Variants in ZNF606 observed in about 807,000 individuals in gnomAD.
ZNF606 encodes the protein zinc finger protein 606, also known as zinc finger protein 328.
Under a neutral mutation model 74.9 loss-of-function variants are expected in ZNF606, and 37 were observed. The ratio of observed to expected loss-of-function variants is 0.49; its 90% CI spans 0.38 to 0.65. ZNF606 has a LOEUF of 0.65. Ranked by LOEUF, ZNF606 falls within the 30% of genes least tolerant of loss-of-function variation. ZNF606 has a pLI of 0.00. For missense variants in ZNF606, 852 were observed against 952.9 expected (o/e 0.89, Z 1.39); for synonymous variants, 328 against 312.4 (o/e 1.05, Z -0.53).
At chr19:57,982,582 GCTT>G (rs1271232911) in intron 6 of ZNF606, among the ~76,000 whole-genome samples, 2 of 152,028 alleles carry the variant, frequency 1.3e-5, no homozygotes, top group South Asian at 2.1e-4. Context: ...CTCTCTCTCT[GCTT>G]CTTTTTTTCT....
At position 57,978,403 on chromosome 19, in the gene ZNF606, A is replaced by T; in HGVS notation, c.2277T>A (p.Ser759Arg). The T allele has an allele frequency of 6.2e-7, 1 of 1,613,890 alleles. No homozygotes were observed. Among genetic ancestry groups the T allele is most frequent in the Non-Finnish European group, 8.5e-7 (1 of 1,179,800 alleles). ...SSLIIHQRMH[S>R]GEKRFICSEC... ...CACTGCATATAAAGCGTTTCTCTCCACTATGCATTCTCTGATGAATAATAA... is the reference window on the plus strand; with the variant it reads ...CACTGCATATAAAGCGTTTCTCTCCTCTATGCATTCTCTGATGAATAATAA... Residue 759 changes from serine (S) to arginine (R), a missense_variant, in exon 7 of 7, where the codon AGT (serine) becomes AGA (arginine). Ser to Arg is a moderately radical substitution (Grantham distance 110). Around this residue, in one of 3 missense-constraint regions of ZNF606, gnomAD observed 64 missense variants for 51.1 expected, o/e 1.25. Transcript: ENST00000551380. This position sits in a 1 kb window ranked among gnomAD's most constrained non-coding sequence, Gnocchi z 4.4.
intron 4 of ZNF606, among the ~76,000 whole-genome samples, chr19:57,992,669 G>C (rs968935710): frequency 3.7e-4 from 57 of 152,352 alleles, no homozygotes; most frequent in African/African-American, 1.3e-3. Context: ...TGCTGAGTAT[G>C]ATAAAGGTAT....
rs1322630399 is a variant in ZNF606, at chr19:57,979,086, T to G, written c.1594A>C (p.Arg532=). ...SWSSHLIAHM[R]MHTGEKPFKC... ...AAGGGTTTCTCTCCAGTATGCATTC[T>G]CATATGGGCAATAAGATGGGAGCTC... The change falls in exon 7 of 7, where the codon AGA becomes CGA. Residue 532 remains arginine, a synonymous_variant. Coordinates refer to ENST00000551380, the MANE Select transcript of ZNF606 (RefSeq NM_001348022.3). The G allele has an allele frequency of 1.9e-6, 3 of 1,614,206 alleles. No individual in the cohort carries two copies. Among genetic ancestry groups the G allele is most frequent in the South Asian group, 2.2e-5 (2 of 91,086 alleles).
At chr19:57,995,839 A>G (rs756944088) in intron 4 of ZNF606, among the ~76,000 whole-genome samples, 11 of 152,130 alleles carry the variant, frequency 7.2e-5, no homozygotes, top group Admixed American at 6.6e-4. Flanking sequence ...AAGACTGTCT[A>G]TGTCTATATA....
rs771409701 is a variant in ZNF606 at position 57,980,246 on chromosome 19, A to G, written c.434T>C (p.Ile145Thr). 8.7e-6 allele frequency: 14 copies of G among 1,611,600 alleles called. No homozygotes were observed. The highest frequency in any genetic ancestry group is 1.2e-5 in the Non-Finnish European group (14 of 1,179,064). The part of the protein sequence containing the change: ...WVRNLESKAL[I>T]PAQSIFEEEQ... Reference sequence around the variant, plus strand: ...TTCCTCAAAAATGCTCTGTGCTGGGATCAATGCTTTGCTTTCAAGATTTCT... The same window carrying G: ...TTCCTCAAAAATGCTCTGTGCTGGGGTCAATGCTTTGCTTTCAAGATTTCT... Residue 145 changes from isoleucine to threonine, a missense_variant, in exon 7 of 7, where the codon ATC becomes ACC. This residue lies in a region of ZNF606 where 545 missense variants were observed against 542.5 expected (regional missense o/e 1.00). Coordinates refer to ENST00000551380, the MANE Select transcript of ZNF606 (RefSeq NM_001348022.3).
At position 57,978,676 on chromosome 19, in the gene ZNF606, A is replaced by G; in HGVS notation, c.2004T>C (p.Val668=). 1 of 1,614,164 alleles carries G rather than the reference A, an allele frequency of 6.2e-7. No homozygotes were observed. The highest frequency in any genetic ancestry group is 2.2e-5 in the East Asian group (1 of 44,884). Residue 668 remains valine (V), a synonymous_variant, in exon 7 of 7, where the codon GTT becomes GTC. Transcript: ENST00000551380. This position sits in a 1 kb window ranked among gnomAD's most constrained non-coding sequence, Gnocchi z 4.4. ...CACCAGTGTGAATTCTCCGATGAGC[A>G]ACAAGGTGACAGCTCTGACTGAAGG... ...GKSFSQSCHL[V]AHRRIHTGEK...
upstream of ZNF606, chr19:58,002,863 G>A (rs1173598909): frequency 2.3e-6 from 1 of 434,574 alleles, no homozygotes; most frequent in Admixed American, 2.6e-5. Flanking sequence ...GTTCCAGGCG[G>A]GCACTTCCGG....
intron 4 of ZNF606, chr19:57,997,430 T>C (rs2073355483): frequency 6.6e-6 from 1 of 152,308 alleles, no homozygotes; most frequent in African/African-American, 2.4e-5. Flanking sequence ...TTTCAATAAA[T>C]ACTTAACTTG....
At position 57,979,864 on chromosome 19, in the gene ZNF606, C is replaced by G. The variant is rs1420606289; in HGVS notation, c.816G>C (p.Gln272His). The G allele has an allele frequency of 6.2e-7, 1 of 1,613,750 alleles. No individual in the cohort carries two copies. ...ENNDYDKTVY[Q>H]SIQPIYPARI... ...TTGCAGGGTAAATAGGTTGAATGGA[C>G]TGATAAACAGTTTTGTCATAATCAT... The change falls in exon 7 of 7, where the codon CAG (glutamine) becomes CAC (histidine). Residue 272 changes from glutamine (Q) to histidine (H), a missense_variant. Physicochemically the swap from Gln to His is conservative, Grantham distance 24 (BLOSUM62 0). Coordinates refer to ENST00000551380, the MANE Select transcript of ZNF606 (RefSeq NM_001348022.3).
intron 5 of ZNF606, 128 bp from the exon 6 acceptor site, chr19:57,988,430 A>G: frequency 1.5e-6 from 2 of 1,370,168 alleles, no homozygotes; most frequent in Non-Finnish European, 2.0e-6. Context: ...TTCCCACTCC[A>G]TGCTCTTTAA....
intron 2 of ZNF606, 107 bp downstream of exon 2, chr19:58,001,182 C>T (rs2073421955): frequency 7.5e-7 from 1 of 1,337,884 alleles, no homozygotes; most frequent in Non-Finnish European, 1.0e-6. Flanking sequence ...CCAAGATAGA[C>T]AGACCCCCTT....
chr19:57,988,552 A>C (rs2073200645), intron 5 of ZNF606, 43 bp downstream of exon 5: 3 of 1,592,548 alleles, frequency 1.9e-6, no homozygotes, highest in Non-Finnish European at 2.6e-6. Context: ...TGAAGGCATT[A>C]CCATGGGAAC....
intron 1 of ZNF606, 196 bp downstream of exon 1, chr19:58,002,200 C>T (rs1220904529): frequency 2.2e-6 from 1 of 456,846 alleles, no homozygotes; most frequent in Non-Finnish European, 4.4e-6. Flanking sequence ...CTGTTTCCAA[C>T]CCAGGTCTGA....
At chr19:57,981,995 T>A (rs186565078) in intron 6 of ZNF606, among the ~76,000 whole-genome samples, 25 of 152,350 alleles carry the variant, frequency 1.6e-4, no homozygotes, top group Admixed American at 1.6e-3. Flanking sequence ...ACTGCTTAAG[T>A]ATCAATCCTC....
intron 6 of ZNF606, among the ~76,000 whole-genome samples, chr19:57,983,289 C>T (rs1379542284): frequency 1.3e-5 from 2 of 152,058 alleles, no homozygotes; most frequent in African/African-American, 2.4e-5. Flanking sequence ...AAATATCACT[C>T]TGAGGTCGGG....
intron 2 of ZNF606, 32 bp downstream of exon 2, chr19:58,001,257 G>A: frequency 6.2e-7 from 1 of 1,613,606 alleles, no homozygotes; most frequent in Non-Finnish European, 8.5e-7. Context: ...TAATGATAGG[G>A]GAGGCCCAGG....
At chr19:57,980,439 T>C (rs371788750) in intron 6 of ZNF606, among the ~76,000 whole-genome samples, 160 bp from the exon 7 acceptor site, 1 of 152,212 alleles carries the variant, frequency 6.6e-6, no homozygotes, top group East Asian at 1.9e-4. Context: ...GGGAAAAGAA[T>C]AGTGAAAAGT....
chr19:58,002,153 A>T, intron 1 of ZNF606: 1 of 456,640 alleles, frequency 2.2e-6, no homozygotes, highest in Non-Finnish European at 4.4e-6. Flanking sequence ...CTTGACAGTG[A>T]CCGCCGCCGT....
intron 2 of ZNF606, 66 bp from the exon 3 acceptor site, chr19:58,000,805 G>C (rs1418487724): frequency 6.2e-6 from 9 of 1,451,422 alleles, no homozygotes; most frequent in Non-Finnish European, 8.4e-6. Context: ...CAAAATACAA[G>C]AGGAGGCTGA....
Sources: allele counts gnomAD v4.1 joint callset (sites outside exome capture counted in the v4.1 genomes callset), GRCh38; gene constraint gnomAD v4.1.1; regional missense constraint gnomAD v4.1.1; non-coding constraint Gnocchi (gnomAD v3.1); transcripts MANE v1.5; gene names NCBI Gene and HGNC (gene_info 2026-07-23, HGNC 2026-07-21).